Variants in TENM1 observed in about 807,000 individuals in gnomAD.
The protein encoded by TENM1 is teneurin-1.
In TENM1, 35 loss-of-function variants were observed where a neutral mutation model predicts 174.8. That is an observed-to-expected ratio of 0.20 (90% CI 0.15 to 0.27). The LOEUF (loss-of-function observed/expected upper bound fraction) is 0.27. TENM1 is among the 10% of genes least tolerant of loss of function. The pLI is 1.00. For missense variants in TENM1, 1,633 were observed against 2,130.1 expected, an observed-to-expected ratio of 0.77 and a Z score of 4.59; for synonymous variants, 781 against 798.7, an observed-to-expected ratio of 0.98 and a Z score of 0.37.
chrX:124,597,063 A>G (rs1329857700), intron 11 of TENM1, among the ~76,000 whole-genome samples: 1 of 111,787 alleles, frequency 8.9e-6, no homozygotes, highest in Non-Finnish European at 1.9e-5. Context: ...GAACCCTTTT[A>G]CACTGCTGGT....
intron 14 of TENM1, among the ~76,000 whole-genome samples, chrX:124,559,759 T>C (rs1314088121): frequency 8.9e-6 from 1 of 111,874 alleles, no homozygotes; most frequent in African/African-American, 3.2e-5. Context: ...TAGTAAATCC[T>C]GAATACAAGT....
At chrX:124,590,585 A>G (rs889402520) in intron 11 of TENM1, among the ~76,000 whole-genome samples, 1 of 111,926 alleles carries the variant, frequency 8.9e-6, no homozygotes, top group Admixed American at 9.5e-5. Flanking sequence ...TTTTTATTCC[A>G]CTGTGGTCCA....
At chrX:124,958,952 AAGG>A (rs1288972914) in intron 1 of TENM1, among the ~76,000 whole-genome samples, 2 of 111,073 alleles carry the variant, frequency 1.8e-5, no homozygotes, top group Non-Finnish European at 3.8e-5. Context: ...GTAAACTTAA[AAGG>A]CATCTAGTAC....
chrX:124,718,734 G>A (rs933947480), intron 4 of TENM1, among the ~76,000 whole-genome samples: 10 of 112,058 alleles, frequency 8.9e-5, no homozygotes, highest in African/African-American at 3.2e-4. Context: ...GAAATTAAGA[G>A]TTTGAAGAGT....
At chrX:124,628,896 C>T (rs557441593) in intron 11 of TENM1, among the ~76,000 whole-genome samples, 1 of 111,670 alleles carries the variant, frequency 9.0e-6, no homozygotes, top group South Asian at 3.8e-4. Context: ...GTAGAGAAGT[C>T]CCTTTGCCTC....
At chrX:124,509,989 G>T (rs2047545264) in intron 18 of TENM1, among the ~76,000 whole-genome samples, 1 of 111,987 alleles carries the variant, frequency 8.9e-6, no homozygotes, top group African/African-American at 3.2e-5. Context: ...CTCCCAGAGT[G>T]CTGGGATTAC....
intron 3 of TENM1, among the ~76,000 whole-genome samples, chrX:124,880,562 T>C (rs2057285050): frequency 8.9e-6 from 1 of 112,108 alleles, no homozygotes; most frequent in African/African-American, 3.2e-5. Flanking sequence ...AGTACTATGA[T>C]AAACAGGAGT....
At chrX:125,099,788 G>A in the TENM1 span, among the ~76,000 whole-genome samples, 3 of 111,812 alleles carry the variant, frequency 2.7e-5, no homozygotes, top group Non-Finnish European at 3.8e-5. Flanking sequence ...GGAAAACCAC[G>A]GAAACACTCA....
chrX:124,502,290 G>GC (rs1039745630), intron 19 of TENM1, among the ~76,000 whole-genome samples: 7 of 111,223 alleles, frequency 6.3e-5, no homozygotes, highest in Non-Finnish European at 7.6e-5. Context: ...AAATCAGGGG[G>GC]CCCCCCCCAA....
intron 3 of TENM1, among the ~76,000 whole-genome samples, chrX:124,811,897 G>A (rs2055785733): frequency 9.0e-6 from 1 of 111,321 alleles, no homozygotes; most frequent in East Asian, 2.8e-4. Flanking sequence ...TATGTTAAAC[G>A]AAATGTGTGG....
At chrX:124,605,020 A>G (rs2050118390) in intron 11 of TENM1, among the ~76,000 whole-genome samples, 1 of 106,936 alleles carries the variant, frequency 9.4e-6, no homozygotes, top group African/African-American at 3.4e-5. Flanking sequence ...TCCATTTAGG[A>G]TCAATGGTAG....
the TENM1 span, among the ~76,000 whole-genome samples, chrX:125,166,134 TA>T: frequency 9.0e-6 from 1 of 111,355 alleles, no homozygotes; most frequent in African/African-American, 3.3e-5. Context: ...TTGATAACTT[TA>T]AAACATCATA....
chrX:124,551,246 G>C (rs1257087168), intron 14 of TENM1, among the ~76,000 whole-genome samples: 1 of 111,534 alleles, frequency 9.0e-6, no homozygotes, highest in Non-Finnish European at 1.9e-5. Context: ...AGAACATTAG[G>C]CTAAGTGAAA....
At chrX:125,026,302 A>G in the TENM1 span, among the ~76,000 whole-genome samples, 7 of 111,445 alleles carry the variant, frequency 6.3e-5, no homozygotes, top group Admixed American at 6.7e-4. Context: ...CATTTGAAAA[A>G]CTAGATAAAA....
chrX:125,112,123 G>C, the TENM1 span, among the ~76,000 whole-genome samples: 1 of 89,391 alleles, frequency 1.1e-5, no homozygotes, highest in African/African-American at 4.3e-5. Flanking sequence ...CAATGTGTTT[G>C]TTTAATGAAA....
At chrX:125,024,396 C>T in the TENM1 span, among the ~76,000 whole-genome samples, 1 of 110,332 alleles carries the variant, frequency 9.1e-6, no homozygotes, top group African/African-American at 3.3e-5. Flanking sequence ...CACACACACA[C>T]ACACACACCC....
intron 23 of TENM1, among the ~76,000 whole-genome samples, chrX:124,436,826 A>T (rs765770688): frequency 5.5e-5 from 6 of 109,401 alleles, no homozygotes; most frequent in Non-Finnish European, 1.1e-4. Flanking sequence ...TACAGATATT[A>T]TCTCTATCTC....
the TENM1 span, among the ~76,000 whole-genome samples, chrX:125,021,103 GT>G: frequency 0.093 from 10,126 of 108,697 alleles, 374 homozygotes; most frequent in South Asian, 0.2. Flanking sequence ...AAGAAATTAG[GT>G]TTTTTTTGCC....
intron 23 of TENM1, among the ~76,000 whole-genome samples, chrX:124,448,635 C>T (rs749833905): frequency 7.7e-4 from 86 of 112,098 alleles, no homozygotes; most frequent in Non-Finnish European, 1.3e-3. Context: ...ACTACTCTTT[C>T]ATATTCTTTT....
Sources: gnomAD v4.1 joint callset for allele counts (sites outside exome capture counted in the v4.1 genomes callset) on GRCh38, gnomAD v4.1.1 for gene constraint, MANE v1.5 for transcripts, NCBI Gene and HGNC (gene_info 2026-07-23, HGNC 2026-07-21) for gene names.